CLCN5: variants seen among roughly 807,000 people sequenced by gnomAD.
CLCN5 encodes Cl-/H+ antiporter 5.
A neutral mutation model predicts 54.0 loss-of-function variants in CLCN5; 17 were observed. That is an observed-to-expected ratio of 0.31 (90% CI 0.22 to 0.47). The LOEUF (loss-of-function observed/expected upper bound fraction) is 0.47. Ranked by LOEUF, CLCN5 falls within the 20% of genes least tolerant of loss-of-function variation. The pLI is 1.00. For missense variants in CLCN5, 448 were observed against 646.7 expected, an observed-to-expected ratio of 0.69 and a Z score of 3.33; for synonymous variants, 222 against 233.0, an observed-to-expected ratio of 0.95 and a Z score of 0.43.
At chrX:49,944,309 G>T (rs1926561045) in intron 3 of CLCN5, among the ~76,000 whole-genome samples, 1 of 111,609 alleles carries the variant, frequency 9.0e-6, no homozygotes, top group Admixed American at 9.5e-5. Context: ...TTTGGGCTGA[G>T]ATGATGGGGT....
At chrX:50,050,692 C>A (rs782220898) in intron 4 of CLCN5, among the ~76,000 whole-genome samples, 1 of 84,757 alleles carries the variant, frequency 1.2e-5, no homozygotes, top group East Asian at 3.7e-4. Context: ...TGGAGTCTCG[C>A]TCTGTTGACT....
chrX:49,973,624 T>C (rs189337900), intron 3 of CLCN5, among the ~76,000 whole-genome samples: 1 of 109,817 alleles, frequency 9.1e-6, no homozygotes, highest in Non-Finnish European at 1.9e-5. Flanking sequence ...ATCTTAAGTA[T>C]ACAGATGGTC....
chrX:50,067,688 C>A, intron 4 of CLCN5: 10 of 753,940 alleles, frequency 1.3e-5, no homozygotes, highest in Non-Finnish European at 1.6e-5. Context: ...AGCTCCCCAA[C>A]CTGAATGACC....
At chrX:49,942,111 A>C (rs1926374007) in intron 3 of CLCN5, among the ~76,000 whole-genome samples, 1 of 97,766 alleles carries the variant, frequency 1.0e-5, no homozygotes, top group Admixed American at 1.1e-4. Context: ...TAAATTGAAC[A>C]CCATTTATTC....
At chrX:49,958,181 A>G (rs781883861) in intron 3 of CLCN5, among the ~76,000 whole-genome samples, 1 of 111,548 alleles carries the variant, frequency 9.0e-6, no homozygotes, top group South Asian at 3.8e-4. Context: ...CTCTATAATT[A>G]TATTATTTTA....
chrX:50,077,022 T>C (rs1455317847), intron 7 of CLCN5, among the ~76,000 whole-genome samples: 1 of 112,274 alleles, frequency 8.9e-6, no homozygotes, highest in East Asian at 2.8e-4. Flanking sequence ...TCACTACTCA[T>C]CTATTTTGTT....
intron 3 of CLCN5, among the ~76,000 whole-genome samples, chrX:50,038,100 A>G (rs1285533953): frequency 8.9e-6 from 1 of 112,136 alleles, no homozygotes; most frequent in Non-Finnish European, 1.9e-5. Context: ...TGTCAAAAGA[A>G]CATAGAAGCC....
chrX:50,069,636 T>A, intron 4 of CLCN5: 1 of 937,100 alleles, frequency 1.1e-6, no homozygotes, highest in South Asian at 4.4e-5. Context: ...CCTGTCTCTC[T>A]TTGTACTGTC....
intron 3 of CLCN5, among the ~76,000 whole-genome samples, chrX:49,950,267 A>G (rs782508790): frequency 8.9e-5 from 10 of 112,057 alleles, no homozygotes; most frequent in Non-Finnish European, 1.7e-4. Flanking sequence ...GCTGCCCTGC[A>G]TGGTTTAATA....
chrX:50,081,127 G>C (rs1557193084), intron 8 of CLCN5, among the ~76,000 whole-genome samples: 1 of 111,744 alleles, frequency 8.9e-6, no homozygotes, highest in Non-Finnish European at 1.9e-5. Context: ...AACTACTTTT[G>C]GCTTAGATTG....
Position 50,095,917 on chromosome X carries a change from A to T in CLCN5, c.*3698A>T, listed in dbSNP as rs1341519743. On this transcript the variant is annotated 3_prime_UTR_variant, in exon 15 of 15. Transcript: ENST00000376091. ...AGTAGGAAGATGCACTTGTTATCCC[A>T]CACTATCTCTTGTTTTGTTTTGTTT... 1.8e-5 allele frequency: 2 copies of T among 112,744 alleles called. No individual in the cohort carries two copies. Among genetic ancestry groups the T allele is most frequent in the Non-Finnish European group, 3.7e-5 (2 of 53,384 alleles). The allele number at this position is 112,744 out of a possible 1,213,427, so 9.3% of individuals were successfully genotyped here. A position where few individuals can be genotyped will look rare whatever the true frequency, so the allele number is the denominator to read the frequency against.
intron 3 of CLCN5, among the ~76,000 whole-genome samples, chrX:50,005,440 T>G (rs1930104304): frequency 9.0e-6 from 1 of 110,547 alleles, no homozygotes; most frequent in African/African-American, 3.4e-5. Flanking sequence ...CTGGAATACT[T>G]CTATAAAGAA....
At chrX:49,979,149 G>A (rs1928615023) in intron 3 of CLCN5, among the ~76,000 whole-genome samples, 1 of 111,184 alleles carries the variant, frequency 9.0e-6, no homozygotes, top group African/African-American at 3.3e-5. Flanking sequence ...AGAAAGAAGG[G>A]AATACCTTCC....
chrX:50,036,173 C>T (rs781991761), intron 3 of CLCN5, among the ~76,000 whole-genome samples: 2 of 108,573 alleles, frequency 1.8e-5, no homozygotes, highest in Non-Finnish European at 3.8e-5. Context: ...ATTGGTTTCT[C>T]ATTACTCTGC....
intron 3 of CLCN5, among the ~76,000 whole-genome samples, chrX:49,941,014 C>A (rs918544251): frequency 2.7e-5 from 3 of 111,784 alleles, no homozygotes; most frequent in African/African-American, 9.8e-5. Context: ...ATGAGATAAT[C>A]CATGTAAAGC....
Position 50,088,887 on chromosome X carries a change from G to A in CLCN5, c.1744+3G>A, listed in dbSNP as rs1557194365. The A allele has an allele frequency of 2.5e-6, 3 of 1,207,952 alleles. No homozygotes were observed. Among genetic ancestry groups the A allele is most frequent in the Non-Finnish European group, 3.4e-6 (3 of 892,466 alleles). On this transcript the variant is annotated splice_donor_region_variant and intron_variant, in intron 12 of 14. Coordinates refer to ENST00000376091, the MANE Select transcript of CLCN5 (RefSeq NM_001127898.4). The stretch of plus-strand genomic sequence containing the variant: ...GGTTGGGGCTGCAGCCTGCTTAGGT[G>A]AGTAGTGTTTGCATTAATTTCAAGT...
intron 3 of CLCN5, among the ~76,000 whole-genome samples, chrX:49,987,508 T>G (rs1312497007): frequency 8.9e-6 from 1 of 111,927 alleles, no homozygotes; most frequent in African/African-American, 3.2e-5. Context: ...TAAATACTGC[T>G]TATTAAATCC....
intron 3 of CLCN5, chrX:50,003,559 C>T: frequency 5.3e-6 from 2 of 377,411 alleles, no homozygotes; most frequent in Middle Eastern, 9.6e-4. Context: ...AAAACCCCTC[C>T]CACATGCAGG....
intron 3 of CLCN5, among the ~76,000 whole-genome samples, chrX:50,037,457 G>A (rs1340133795): frequency 5.4e-5 from 6 of 111,969 alleles, no homozygotes; most frequent in African/African-American, 1.6e-4. Context: ...TTGAATACTA[G>A]AACTTAAACA....
Sources: gnomAD v4.1 joint callset for allele counts (sites outside exome capture counted in the v4.1 genomes callset) on GRCh38, gnomAD v4.1.1 for gene constraint, MANE v1.5 for transcripts, NCBI Gene and HGNC (gene_info 2026-07-23, HGNC 2026-07-21) for gene names.